The following MREG variants were observed in gnomAD, a reference collection of about 807,000 sequenced individuals.
MREG encodes the protein dilute suppressor protein homolog.
In MREG, 31 loss-of-function variants were observed where a neutral mutation model predicts 28.5. That is an observed-to-expected ratio of 1.09 (90% CI 0.82 to 1.47). The LOEUF (loss-of-function observed/expected upper bound fraction) is 1.47. MREG is among the 40% of genes most tolerant of loss of function. The pLI is 0.00. For synonymous variants in MREG, 106 were observed against 95.2 expected (o/e 1.11, Z -0.66); for missense variants, 256 against 257.4 (o/e 0.99, Z 0.04).
chr2:215,991,534 C>G (rs1378061492), intron 2 of MREG, among the ~76,000 whole-genome samples: 1 of 151,274 alleles, frequency 6.6e-6, no homozygotes, highest in Non-Finnish European at 1.5e-5. Context: ...CAAGAAATAA[C>G]TAAGATCAGA....
intron 2 of MREG, among the ~76,000 whole-genome samples, chr2:215,977,686 G>C (rs1693298786): frequency 6.6e-6 from 1 of 152,160 alleles, no homozygotes; most frequent in Non-Finnish European, 1.5e-5. Context: ...CTGTCTCTCA[G>C]ACCACAGTGT....
intron 2 of MREG, among the ~76,000 whole-genome samples, chr2:215,969,511 CTT>C (rs1390942612): frequency 6.6e-6 from 1 of 152,188 alleles, no homozygotes; most frequent in African/African-American, 2.4e-5. Context: ...TGCCATTTCT[CTT>C]GAGTGCCCGT....
intron 1 of MREG, among the ~76,000 whole-genome samples, chr2:216,032,425 A>G (rs150568418): frequency 1.3e-5 from 2 of 152,340 alleles, no homozygotes; most frequent in East Asian, 3.9e-4. Context: ...ATTGGATGAC[A>G]TTGTCCATTT....
At chr2:216,022,374 A>G (rs10192795) in intron 1 of MREG, among the ~76,000 whole-genome samples, 21,047 of 152,056 alleles carry the variant, frequency 0.14, 1,804 homozygotes, top group African/African-American at 0.22. Context: ...TTCAGTTCCT[A>G]CCATGTGCTC....
chr2:215,977,250 C>T (rs1424605525), intron 2 of MREG, among the ~76,000 whole-genome samples: 1 of 152,172 alleles, frequency 6.6e-6, no homozygotes, highest in Non-Finnish European at 1.5e-5. Flanking sequence ...ATAAAACAGA[C>T]TTTAAACCAA....
chr2:216,028,421 G>A (rs552446179), intron 1 of MREG, among the ~76,000 whole-genome samples: 3 of 151,782 alleles, frequency 2.0e-5, no homozygotes, highest in Non-Finnish European at 4.4e-5. Context: ...CCAGCTACTC[G>A]GGAGGCGGAG....
intron 1 of MREG, among the ~76,000 whole-genome samples, chr2:216,000,388 T>G (rs1388206740): frequency 4.6e-5 from 7 of 152,134 alleles, no homozygotes; most frequent in Admixed American, 3.9e-4. Flanking sequence ...GGATGCTCCC[T>G]GTACAAACCA....
At chr2:216,017,539 C>T (rs1347116083), upstream of MREG, among the ~76,000 whole-genome samples, 1 of 152,184 alleles carries the variant, frequency 6.6e-6, no homozygotes, top group East Asian at 1.9e-4. Context: ...CTAGATGGTT[C>T]CTACTGCCTG....
intron 2 of MREG, among the ~76,000 whole-genome samples, chr2:215,969,176 C>T (rs146451556): frequency 2.2e-3 from 330 of 152,264 alleles, no homozygotes; most frequent in African/African-American, 7.1e-3. Flanking sequence ...AAAGATGTCT[C>T]GGGAGCTGCC....
At chr2:216,027,803 AAG>A (rs1330524611) in intron 1 of MREG, among the ~76,000 whole-genome samples, 9 of 152,232 alleles carry the variant, frequency 5.9e-5, no homozygotes, top group African/African-American at 2.2e-4. Flanking sequence ...CATTCTGAAC[AAG>A]AGTCAAGCCA....
At chr2:216,005,197 A>G (rs967540615) in intron 1 of MREG, among the ~76,000 whole-genome samples, 13 of 152,190 alleles carry the variant, frequency 8.5e-5, no homozygotes, top group Non-Finnish European at 1.6e-4. Context: ...GACCATGAAC[A>G]AGGCTACATA....
chr2:216,018,020 A>G (rs1212922705), upstream of MREG, among the ~76,000 whole-genome samples: 3 of 150,802 alleles, frequency 2.0e-5, no homozygotes, highest in Non-Finnish European at 4.4e-5. Flanking sequence ...AAAATTAGCC[A>G]TGAGTGGTGG....
At chr2:215,976,542 A>G (rs768142927) in intron 2 of MREG, among the ~76,000 whole-genome samples, 4 of 152,204 alleles carry the variant, frequency 2.6e-5, no homozygotes, top group Non-Finnish European at 5.9e-5. Context: ...ACTGGAGAGG[A>G]AAGCACCGAG....
intron 2 of MREG, among the ~76,000 whole-genome samples, chr2:215,951,556 A>C (rs566872460): frequency 6.6e-6 from 1 of 152,336 alleles, no homozygotes; most frequent in African/African-American, 2.4e-5. Context: ...GTGGCCCTGA[A>C]CTTTAACAAT....
rs147080807 is a variant in MREG at position 215,985,392 on chromosome 2, G to A, written c.255+10914C>T. Among the ~76,000 whole-genome samples the A allele has an allele frequency of 1.5e-3, 232 of 152,292 alleles. 3 individuals carry two copies. The highest frequency in any genetic ancestry group is 3.8e-3 in the Admixed American group (58 of 15,278). ...AATGTACTTTATGGCATCATTCAAA[G>A]ACAAGAGCAATAATTTTTCCACTAC... On this transcript the variant is annotated intron_variant, in intron 2 of 4. Transcript: ENST00000263268.
At chr2:215,981,307 T>C (rs942687565) in intron 2 of MREG, among the ~76,000 whole-genome samples, 4 of 152,182 alleles carry the variant, frequency 2.6e-5, no homozygotes, top group African/African-American at 4.8e-5. Flanking sequence ...ATACACACTA[T>C]GGAATATTAT....
intron 2 of MREG, among the ~76,000 whole-genome samples, chr2:215,969,737 GACTCT>G (rs1693037533): frequency 6.6e-6 from 1 of 152,062 alleles, no homozygotes; most frequent in South Asian, 2.1e-4. Flanking sequence ...GGCAGACGAT[GACTCT>G]ACTTACAACA....
At chr2:215,960,584 C>A (rs1461354908) in intron 2 of MREG, among the ~76,000 whole-genome samples, 1 of 151,940 alleles carries the variant, frequency 6.6e-6, no homozygotes. Context: ...GCCTGTAATC[C>A]CAGCACTTTG....
chr2:216,014,793 T>G (rs551188775), upstream of MREG, among the ~76,000 whole-genome samples: 1 of 152,210 alleles, frequency 6.6e-6, no homozygotes, highest in Non-Finnish European at 1.5e-5. Flanking sequence ...GAATTTACTC[T>G]CTGACCAGCA....
Sources: gnomAD v4.1 joint callset for allele counts (sites outside exome capture counted in the v4.1 genomes callset) on GRCh38, gnomAD v4.1.1 for gene constraint, MANE v1.5 for transcripts, NCBI Gene and HGNC (gene_info 2026-07-23, HGNC 2026-07-21) for gene names.